The following CYP24A1 variants were observed in gnomAD, a reference collection of about 807,000 sequenced individuals.
The protein encoded by CYP24A1 is cytochrome P450 family 24 subfamily A member 1.
A neutral mutation model predicts 62.4 loss-of-function variants in CYP24A1; 68 were observed. The ratio of observed to expected loss-of-function variants is 1.09; its 90% confidence interval spans 0.90 to 1.33. The LOEUF (loss-of-function observed/expected upper bound fraction) is 1.33. Among genes scored for constraint, CYP24A1 ranks in the 40% most tolerant of loss-of-function variants. The pLI, the probability that CYP24A1 is intolerant of heterozygous loss-of-function variation, is 0.00. For synonymous variants in CYP24A1, 267 were observed against 253.0 expected, an observed-to-expected ratio of 1.06 and a Z score of -0.52; for missense variants, 787 against 653.0, an observed-to-expected ratio of 1.21 and a Z score of -2.24.
chr20:54,173,594 C>T lies in CYP24A1; in HGVS notation c.-15G>A. 1 of 1,563,578 alleles carries T rather than the reference C, an allele frequency of 6.4e-7. No homozygotes were observed. The highest frequency in any genetic ancestry group is 8.6e-7 in the Non-Finnish European group (1 of 1,158,630). On this transcript the variant is annotated 5_prime_UTR_variant, in exon 1 of 12. In the 5' UTR this introduces an upstream ATG that the reference lacks. Coordinates refer to ENST00000216862, the MANE Select transcript of CYP24A1 (RefSeq NM_000782.5). This position sits in a 1 kb window ranked among gnomAD's most constrained non-coding sequence, Gnocchi z 7.2. ...GGGGAGCTCATGGCAGCGGGGGACA[C>T]CGGAGCGCGGGAAGGCAGGAGGATG...
chr20:54,169,151 C>A (rs56002688), intron 4 of CYP24A1, among the ~76,000 whole-genome samples: 10,141 of 152,120 alleles, frequency 0.067, 1,118 homozygotes, highest in African/African-American at 0.23. Context: ...GATCTGCCCA[C>A]CTCAGCCTCC....
chr20:54,157,374 G>T lies in CYP24A1; in HGVS notation c.1434+14C>A. On this transcript the variant is annotated intron_variant, in intron 10 of 11. Coordinates refer to ENST00000216862, the MANE Select transcript of CYP24A1 (RefSeq NM_000782.5). ...AGCACAGAACATAATTGCAGAAACC[G>T]GTAAAGGTTTTACCCAACAAAGAGC... 2 of 1,546,388 alleles carry T rather than the reference G, an allele frequency of 1.3e-6. No individual in the cohort carries two copies. Among genetic ancestry groups the T allele is most frequent in the Non-Finnish European group, 8.9e-7 (1 of 1,118,182 alleles).
rs116104487 is a variant in CYP24A1, at chr20:54,172,980, C to T, written c.378G>A (p.Pro126=). 157 of 1,613,022 alleles carry T rather than the reference C, an allele frequency of 9.7e-5. No homozygotes were observed. In the African/African-American group the frequency reaches 1.9e-3, roughly 19 times the overall value. Residue 126 remains proline (P), a synonymous_variant, in exon 2 of 12, where the codon CCG becomes CCA. Coordinates refer to ENST00000216862, the MANE Select transcript of CYP24A1 (RefSeq NM_000782.5). ...EALYRTESAY[P]QRLEIKPWKA... ...TCCACGGTTTGATCTCCAGCCGCTGCGGGTACGCGCTCTCGGTGCGGTACA... is the reference window on the plus strand; with the variant it reads ...TCCACGGTTTGATCTCCAGCCGCTGTGGGTACGCGCTCTCGGTGCGGTACA...
In CYP24A1 at chr20:54,154,695, A is replaced by C. The variant is rs16999067; in HGVS notation, c.*77T>G. The stretch of plus-strand genomic sequence containing the variant: ...TGTAAACCAGCAGTGAACCCTGTAG[A>C]ATGCCTTGGATCCCAGCACTCAGTC... On this transcript the variant is annotated 3_prime_UTR_variant, in exon 12 of 12. Coordinates refer to ENST00000216862, the MANE Select transcript of CYP24A1 (RefSeq NM_000782.5). 4,014 of 154,770 alleles carry C rather than the reference A, an allele frequency of 0.026. 183 individuals are homozygous for C. Among genetic ancestry groups the C allele is most frequent in the African/African-American group, 0.092 (3,830 of 41,546 alleles). 9.6% of individuals were successfully genotyped at this position (154,770 alleles called of 1,614,324 possible).
At chr20:54,164,633 A>G in intron 5 of CYP24A1, 70 bp from the exon 6 acceptor site, 1 of 1,612,672 alleles carries the variant, frequency 6.2e-7, no homozygotes, top group East Asian at 2.2e-5. Context: ...GTTCTGGAAG[A>G]GGAACATTCT....
At chr20:54,166,119 C>G (rs561286736) in intron 4 of CYP24A1, among the ~76,000 whole-genome samples, 1 of 152,294 alleles carries the variant, frequency 6.6e-6, no homozygotes, top group Non-Finnish European at 1.5e-5. Flanking sequence ...TCCAGGGGCC[C>G]TAGCAAAGGT....
downstream of CYP24A1, among the ~76,000 whole-genome samples, chr20:54,150,891 CA>C (rs1159161983): frequency 6.6e-6 from 1 of 152,192 alleles, no homozygotes; most frequent in African/African-American, 2.4e-5. Flanking sequence ...ACTCCCTTTA[CA>C]GGGGCAGAAC....
rs10627679 is a variant in CYP24A1, at chr20:54,169,973, AT to A, written c.544-286del. 4.4e-3 allele frequency among the ~76,000 whole-genome samples: 667 copies of A among 151,038 alleles called. 2 individuals are homozygous for A. The highest frequency in any genetic ancestry group is 0.012 in the Admixed American group (178 of 15,180). On this transcript the variant is annotated intron_variant, in intron 3 of 11. Transcript: ENST00000216862. The stretch of plus-strand genomic sequence containing the variant: ...TCTGGCAATTTAAGAAAAGGAAAAC[AT>A]TTTTTTTTTCTAATCAGAATGGGGG...
rs1382147532 is a variant in CYP24A1 at position 54,153,768 on chromosome 20, C to T, written c.*1004G>A. The T allele has an allele frequency of 6.6e-6, 1 of 152,614 alleles. No homozygotes were observed. Among genetic ancestry groups the T allele is most frequent in the African/African-American group, 2.4e-5 (1 of 41,444 alleles). 9.5% of individuals were successfully genotyped at this position (152,614 alleles called of 1,614,324 possible). A position where few individuals can be genotyped will look rare whatever the true frequency, so the allele number is the denominator to read the frequency against. On this transcript the variant is annotated 3_prime_UTR_variant, in exon 12 of 12. Transcript: ENST00000216862. ...AGTCTTATAAGTATTGCATGCATTTCTGTGCATTTTACATTTATGAAATCA... is the reference window on the plus strand; with the variant it reads ...AGTCTTATAAGTATTGCATGCATTTTTGTGCATTTTACATTTATGAAATCA...
chr20:54,149,036 T>A (rs1361149923), downstream of CYP24A1, among the ~76,000 whole-genome samples: 1 of 152,196 alleles, frequency 6.6e-6, no homozygotes, highest in Non-Finnish European at 1.5e-5. Flanking sequence ...AGGATACAGA[T>A]GGCGTAAGAG....
At chr20:54,151,115 A>T (rs2092611805), downstream of CYP24A1, among the ~76,000 whole-genome samples, 1 of 152,192 alleles carries the variant, frequency 6.6e-6, no homozygotes, top group Non-Finnish European at 1.5e-5. Context: ...GGGCTGCTTG[A>T]TTGAGTAGAC....
intron 2 of CYP24A1, 149 bp from the exon 3 acceptor site, chr20:54,171,819 T>C: frequency 4.0e-6 from 6 of 1,518,746 alleles, no homozygotes; most frequent in Non-Finnish European, 5.3e-6. Flanking sequence ...AGCATCAGAA[T>C]ATTTGGGATA....
At chr20:54,171,504 G>A (rs2092693661) in intron 3 of CYP24A1, 73 bp downstream of exon 3, 1 of 1,612,586 alleles carries the variant, frequency 6.2e-7, no homozygotes, top group Non-Finnish European at 8.5e-7. Flanking sequence ...GTTCTTTGTA[G>A]CTGTGACTTG....
In CYP24A1 at chr20:54,172,969, T is replaced by C. The variant is rs1363308527; in HGVS notation, c.389A>G (p.Glu130Gly). ...RTESAYPQRL[E>G]IKPWKAYRDY... is the part of the protein sequence containing the mutation. The stretch of plus-strand genomic sequence containing the variant: ...GCGATAGGCCTTCCACGGTTTGATC[T>C]CCAGCCGCTGCGGGTACGCGCTCTC... Residue 130 changes from glutamate (E) to glycine (G), a missense_variant, in exon 2 of 12, where the codon GAG becomes GGG. Coordinates refer to ENST00000216862, the MANE Select transcript of CYP24A1 (RefSeq NM_000782.5). 6.2e-7 allele frequency: 1 copy of C among 1,613,318 alleles called. No individual in the cohort carries two copies. Among genetic ancestry groups the C allele is most frequent in the South Asian group, 1.1e-5 (1 of 91,078 alleles).
chr20:54,166,140 C>T (rs1292222257), intron 4 of CYP24A1, among the ~76,000 whole-genome samples: 3 of 152,130 alleles, frequency 2.0e-5, no homozygotes, highest in Admixed American at 1.3e-4. Flanking sequence ...GCTGCAGGGT[C>T]GGGTCTGCAC....
chr20:54,164,314 CA>C, intron 6 of CYP24A1, 137 bp downstream of exon 6: 1 of 1,502,114 alleles, frequency 6.7e-7, no homozygotes. Context: ...TATGCTGGGG[CA>C]ATCCCCAAAA....
rs150919185 is a variant in CYP24A1, at chr20:54,171,026, C to T, written c.543+551G>A. Among the ~76,000 whole-genome samples the T allele has an allele frequency of 2.5e-3, 386 of 152,254 alleles. 3 individuals are homozygous for T. Among genetic ancestry groups the T allele is most frequent in the African/African-American group, 8.9e-3 (370 of 41,548 alleles). On this transcript the variant is annotated intron_variant, in intron 3 of 11. Coordinates refer to ENST00000216862, the MANE Select transcript of CYP24A1 (RefSeq NM_000782.5). ...CCTCACATCAGCTACACTAAATGAC[C>T]GATTCTCTGAACACACCACGTCATT...
At chr20:54,151,917 G>A (rs1601117237), downstream of CYP24A1, among the ~76,000 whole-genome samples, 1 of 152,148 alleles carries the variant, frequency 6.6e-6, no homozygotes, top group Non-Finnish European at 1.5e-5. Context: ...CTACTTACAG[G>A]GCAGTGACAA....
chr20:54,146,771 T>C, the CYP24A1 span, among the ~76,000 whole-genome samples: 1 of 152,186 alleles, frequency 6.6e-6, no homozygotes, highest in South Asian at 2.1e-4. Flanking sequence ...TAATCAATTC[T>C]AAAGCATTGG....
Sources: gnomAD v4.1 joint callset for allele counts (sites outside exome capture counted in the v4.1 genomes callset) on GRCh38, gnomAD v4.1.1 for gene constraint, Gnocchi (gnomAD v3.1) non-coding constraint, MANE v1.5 for transcripts, NCBI Gene and HGNC (gene_info 2026-07-23, HGNC 2026-07-21) for gene names.